NCKAP5: variants seen among roughly 807,000 people sequenced by gnomAD.
NCKAP5 encodes the protein nck-associated protein 5.
In NCKAP5, 92 loss-of-function variants were observed where a neutral mutation model predicts 167.0. The observed-to-expected ratio is 0.55, with a 90% CI of 0.47 to 0.66. NCKAP5 has a LOEUF of 0.66. Ranked by LOEUF, NCKAP5 falls within the 30% of genes least tolerant of loss-of-function variation. The probability of loss-of-function intolerance (pLI) is 0.00; values close to 1 mark genes in which losing one functional copy is unlikely to be tolerated. For missense variants in NCKAP5, 2,378 were observed against 2,315.0 expected (o/e 1.03, Z -0.56); for synonymous variants, 891 against 877.4 (o/e 1.02, Z -0.27).
At chr2:133,023,173 AG>A (rs1323494585) in intron 6 of NCKAP5, among the ~76,000 whole-genome samples, 1 of 152,132 alleles carries the variant, frequency 6.6e-6, no homozygotes, top group African/African-American at 2.4e-5. Flanking sequence ...GTTTTGTTTG[AG>A]GGTAAAGATT....
At chr2:132,895,951 A>G (rs1245114016) in intron 8 of NCKAP5, among the ~76,000 whole-genome samples, 2 of 152,166 alleles carry the variant, frequency 1.3e-5, no homozygotes, top group African/African-American at 4.8e-5. Flanking sequence ...CCTGGCCAAC[A>G]TGGCAAAACT....
At chr2:132,961,201 T>C (rs980005161) in intron 8 of NCKAP5, among the ~76,000 whole-genome samples, 1 of 151,766 alleles carries the variant, frequency 6.6e-6, no homozygotes, top group Admixed American at 6.6e-5. Flanking sequence ...GTTTAACCCA[T>C]GCAAAGATCC....
chr2:133,051,588 C>T (rs111322282), intron 6 of NCKAP5, among the ~76,000 whole-genome samples: 12 of 152,064 alleles, frequency 7.9e-5, no homozygotes, highest in African/African-American at 2.7e-4. Flanking sequence ...AGGCCTGCAA[C>T]GAGTTTTCAT....
the NCKAP5 span, among the ~76,000 whole-genome samples, chr2:133,623,823 C>CA: frequency 6.6e-6 from 1 of 152,130 alleles, no homozygotes; most frequent in Middle Eastern, 3.4e-3. Context: ...AGTCATTATA[C>CA]AAAAAAGATA....
chr2:132,804,097 G>A (rs957239096), intron 11 of NCKAP5, among the ~76,000 whole-genome samples: 46 of 146,942 alleles, frequency 3.1e-4, no homozygotes, highest in African/African-American at 9.0e-4. Flanking sequence ...AACAAAATTC[G>A]GAAATATTTC....
intron 3 of NCKAP5, among the ~76,000 whole-genome samples, chr2:133,404,044 A>G (rs1401525018): frequency 6.6e-6 from 1 of 152,000 alleles, no homozygotes; most frequent in Non-Finnish European, 1.5e-5. Context: ...GGTAGCCCAC[A>G]CCCTACTTTC....
intron 16 of NCKAP5, among the ~76,000 whole-genome samples, chr2:132,757,634 T>C (rs955439872): frequency 1.3e-5 from 2 of 152,210 alleles, no homozygotes; most frequent in Non-Finnish European, 2.9e-5. Context: ...ATTTTACATC[T>C]CTCTCAAGCT....
At chr2:133,398,392 C>G (rs1421532386) in intron 3 of NCKAP5, among the ~76,000 whole-genome samples, 1 of 152,100 alleles carries the variant, frequency 6.6e-6, no homozygotes. Flanking sequence ...TTAAACAAAC[C>G]TGCACGTTCT....
intron 5 of NCKAP5, among the ~76,000 whole-genome samples, chr2:133,177,229 A>C (rs1435989833): frequency 2.0e-5 from 3 of 150,494 alleles, no homozygotes; most frequent in African/African-American, 7.3e-5. Context: ...CCATCTCTCC[A>C]TCCGTGATCA....
chr2:132,999,692 C>G (rs756605153), intron 6 of NCKAP5, among the ~76,000 whole-genome samples: 12 of 152,170 alleles, frequency 7.9e-5, no homozygotes, highest in Non-Finnish European at 1.5e-4. Flanking sequence ...ACATTAGAAG[C>G]TGATTATTCC....
chr2:132,777,929 C>G (rs566319747), intron 15 of NCKAP5, among the ~76,000 whole-genome samples: 1 of 151,928 alleles, frequency 6.6e-6, no homozygotes, highest in South Asian at 2.1e-4. Flanking sequence ...CTAAAATGGT[C>G]ATATTAAAAT....
chr2:133,649,389 C>T, the NCKAP5 span, among the ~76,000 whole-genome samples: 1 of 151,586 alleles, frequency 6.6e-6, no homozygotes, highest in Non-Finnish European at 1.5e-5. Flanking sequence ...TTTTATGAGG[C>T]CAGCATTACC....
In NCKAP5 at chr2:133,196,440, C is replaced by T. The variant is rs111865974; in HGVS notation, c.207+17276G>A. 3.8e-3 allele frequency among the ~76,000 whole-genome samples: 576 copies of T among 152,262 alleles called. 4 individuals are homozygous for T. Among genetic ancestry groups the T allele is most frequent in the African/African-American group, 9.6e-3 (397 of 41,558 alleles). ...AAGTAAGAGAACTGAGGCACACAAG[C>T]GCTTGACATCTTCACTGAATATACT... is the stretch of plus-strand genomic sequence containing the variant. On this transcript the variant is annotated intron_variant, in intron 5 of 19. Coordinates refer to ENST00000409261, the MANE Select transcript of NCKAP5 (RefSeq NM_207363.3).
intron 4 of NCKAP5, among the ~76,000 whole-genome samples, chr2:133,265,382 C>A (rs920754599): frequency 6.6e-6 from 1 of 152,026 alleles, no homozygotes; most frequent in African/African-American, 2.4e-5. Context: ...CCCTTTTTCT[C>A]TAAGGGGTAG....
intron 6 of NCKAP5, among the ~76,000 whole-genome samples, chr2:133,004,126 G>T (rs542097942): frequency 6.6e-6 from 1 of 152,316 alleles, no homozygotes; most frequent in South Asian, 2.1e-4. Context: ...CACAAAGAGA[G>T]GGGGAGGGAG....
Position 132,860,539 on chromosome 2 carries a change from T to A in NCKAP5, c.760A>T (p.Ile254Phe). ...DLEQQNRTLS[I>F]LFQQRVRPTS... ...GGTCTGACTCGCTGTTGGAATAGGA[T>A]GCTTAGTGTTCGATTCTGCTGTTCC... The change falls in exon 11 of 20, where the codon ATC becomes TTC. Residue 254 changes from isoleucine to phenylalanine, a missense_variant. Ile to Phe is a conservative substitution (Grantham distance 21). Coordinates refer to ENST00000409261, the MANE Select transcript of NCKAP5 (RefSeq NM_207363.3). The A allele has an allele frequency of 6.3e-7, 1 of 1,588,300 alleles. No individual in the cohort carries two copies. The highest frequency in any genetic ancestry group is 8.6e-7 in the Non-Finnish European group (1 of 1,165,356).
At chr2:133,129,184 T>C (rs1458366272) in intron 6 of NCKAP5, among the ~76,000 whole-genome samples, 1 of 151,764 alleles carries the variant, frequency 6.6e-6, no homozygotes, top group African/African-American at 2.4e-5. Flanking sequence ...CATGCTGGTG[T>C]GCTGCACCCA....
chr2:133,191,951 A>G (rs1305985540), intron 5 of NCKAP5, among the ~76,000 whole-genome samples: 1 of 152,098 alleles, frequency 6.6e-6, no homozygotes, highest in Non-Finnish European at 1.5e-5. Context: ...TTTTAAATAT[A>G]TGCAGGATTA....
intron 3 of NCKAP5, among the ~76,000 whole-genome samples, chr2:133,469,744 G>C (rs200774922): frequency 0.22 from 32,509 of 150,596 alleles, 3,830 homozygotes; most frequent in East Asian, 0.41. Context: ...TTCCCTTCTC[G>C]CTTCATTTCA....
Sources: allele counts gnomAD v4.1 joint callset (sites outside exome capture counted in the v4.1 genomes callset), GRCh38; gene constraint gnomAD v4.1.1; transcripts MANE v1.5; gene names NCBI Gene and HGNC (gene_info 2026-07-23, HGNC 2026-07-21).